ZNF345: variants seen among roughly 807,000 people sequenced by gnomAD.
ZNF345 encodes the protein zinc finger protein 345.
For synonymous variants in ZNF345, 166 were observed against 187.9 expected, an observed-to-expected ratio of 0.88 and a Z score of 0.95; for missense variants, 527 against 589.9, an observed-to-expected ratio of 0.89 and a Z score of 1.10.
chr19:36,852,440 GTC>G (rs1568347918), intron 2 of ZNF345, among the ~76,000 whole-genome samples: 1 of 151,824 alleles, frequency 6.6e-6, no homozygotes, highest in Non-Finnish European at 1.5e-5. Context: ...AGGAAACCCC[GTC>G]TCTACTAAAA....
At chr19:36,868,002 C>CTTT (rs569167997) in intron 2 of ZNF345, among the ~76,000 whole-genome samples, 18 of 127,044 alleles carry the variant, frequency 1.4e-4, no homozygotes, top group African/African-American at 3.8e-4. Flanking sequence ...TGAGGAGTGG[C>CTTT]TTTTTTTTTT....
chr19:36,868,119 C>T (rs1448076251), intron 2 of ZNF345, among the ~76,000 whole-genome samples: 1 of 151,610 alleles, frequency 6.6e-6, no homozygotes, highest in African/African-American at 2.4e-5. Flanking sequence ...TCTCCTGCCT[C>T]AGGCTCCCGA....
chr19:36,868,015 T>C (rs1338829422), intron 2 of ZNF345, among the ~76,000 whole-genome samples: 1 of 150,976 alleles, frequency 6.6e-6, no homozygotes, highest in Non-Finnish European at 1.5e-5. Context: ...TTTTTTTTTT[T>C]TTTTTGAGTC....
chr19:36,862,643 G>C (rs1225720655), intron 2 of ZNF345, among the ~76,000 whole-genome samples: 1 of 124,382 alleles, frequency 8.0e-6, no homozygotes, highest in African/African-American at 3.2e-5. Context: ...CAACCTGGGC[G>C]ACAGAGTGAG....
rs1465331936 is a variant in ZNF345 at position 36,879,053 on chromosome 19, G to A, written c.*756G>A. On this transcript the variant is annotated 3_prime_UTR_variant, in exon 3 of 3. Transcript: ENST00000420450. The stretch of plus-strand genomic sequence containing the variant: ...GGGTTTCACCACGTTGGCCAGGATG[G>A]TCTCGATCTCTTGACCTCGTGATCC... 3 of 165,370 alleles carry A rather than the reference G, an allele frequency of 1.8e-5. No homozygotes were observed. The highest frequency in any genetic ancestry group is 7.2e-5 in the African/African-American group (3 of 41,408). 10.2% of individuals were successfully genotyped at this position (165,370 alleles called of 1,614,324 possible).
intron 2 of ZNF345, among the ~76,000 whole-genome samples, chr19:36,865,351 C>T (rs2072636675): frequency 6.6e-6 from 1 of 152,202 alleles, no homozygotes; most frequent in South Asian, 2.1e-4. Context: ...ACATTGATAA[C>T]TAGCACATAG....
rs756736847 is a variant in ZNF345, at chr19:36,891,518, G to A, written c.47-1300G>A. 23 of 1,573,388 alleles carry A rather than the reference G, an allele frequency of 1.5e-5. No homozygotes were observed. The highest frequency in any genetic ancestry group is 1.9e-5 in the Non-Finnish European group (22 of 1,163,834). On this transcript the variant is annotated intron_variant, in intron 3 of 3. Coordinates refer to the ZNF345 transcript ENST00000526123. Reference sequence around the variant, plus strand: ...CAACCAGTATGAATTCCCTCATGGCGAATGAGGTCAGAGCGACTACCAAAA... The same window carrying A: ...CAACCAGTATGAATTCCCTCATGGCAAATGAGGTCAGAGCGACTACCAAAA...
chr19:36,863,217 T>A (rs1467936778), intron 2 of ZNF345, among the ~76,000 whole-genome samples: 1 of 152,204 alleles, frequency 6.6e-6, no homozygotes, highest in Non-Finnish European at 1.5e-5. Flanking sequence ...GATTGGACCC[T>A]CATTATAGGT....
intron 2 of ZNF345, among the ~76,000 whole-genome samples, chr19:36,855,150 C>CTTTTTTTTTTTTTTTT (rs34077053): frequency 7.0e-6 from 1 of 143,134 alleles, no homozygotes; most frequent in Admixed American, 6.9e-5. Context: ...CACGCCCAGC[C>CTTTTTTTTTTTTTTTT]TTTTTTTTTT....
intron 2 of ZNF345, among the ~76,000 whole-genome samples, chr19:36,852,133 T>C (rs1275120087): frequency 6.9e-6 from 1 of 145,880 alleles, no homozygotes; most frequent in Non-Finnish European, 1.5e-5. Flanking sequence ...TCTTTCTTTT[T>C]TTTTTTTTTT....
At chr19:36,854,547 T>C (rs1206922789) in intron 2 of ZNF345, 1 of 152,204 alleles carries the variant, frequency 6.6e-6, no homozygotes, top group African/African-American at 2.4e-5. Context: ...TTTGAGCCAA[T>C]AAGCAGGTTA....
intron 2 of ZNF345, among the ~76,000 whole-genome samples, chr19:36,853,284 T>C (rs113277451): frequency 6.0e-5 from 9 of 150,972 alleles, no homozygotes; most frequent in African/African-American, 2.0e-4. Context: ...GTTTCGCTCT[T>C]ATTGCCCAGG....
At chr19:36,886,317 A>G (rs1178984628) in intron 3 of ZNF345, among the ~76,000 whole-genome samples, 2 of 152,160 alleles carry the variant, frequency 1.3e-5, no homozygotes, top group African/African-American at 4.8e-5. Flanking sequence ...AAAAGACTAA[A>G]TTTACACTGG....
At chr19:36,889,404 T>C (rs1043114969) in intron 3 of ZNF345, 1 of 152,186 alleles carries the variant, frequency 6.6e-6, no homozygotes, top group African/African-American at 2.4e-5. Flanking sequence ...AGAATTCAGC[T>C]GTGAATCTGT....
At chr19:36,883,453 T>C (rs764527810), downstream of ZNF345, among the ~76,000 whole-genome samples, 107 of 152,234 alleles carry the variant, frequency 7.0e-4, no homozygotes, top group Non-Finnish European at 1.4e-3. Context: ...TCCCTTGAAC[T>C]CCACACTCAC....
intron 3 of ZNF345, among the ~76,000 whole-genome samples, chr19:36,887,192 ACC>A (rs879513674): frequency 0.034 from 5,217 of 151,342 alleles, 312 homozygotes; most frequent in African/African-American, 0.12. Flanking sequence ...CACCACCACC[ACC>A]ACCAACAACA....
At chr19:36,874,343 A>G (rs1433309066) in intron 2 of ZNF345, among the ~76,000 whole-genome samples, 1 of 152,022 alleles carries the variant, frequency 6.6e-6, no homozygotes, top group African/African-American at 2.4e-5. Flanking sequence ...AAAATACAAA[A>G]ATCAGCCAGG....
intron 2 of ZNF345, among the ~76,000 whole-genome samples, chr19:36,875,644 G>A (rs567581701): frequency 1.3e-5 from 2 of 152,262 alleles, no homozygotes; most frequent in East Asian, 3.9e-4. Flanking sequence ...AAGAAATGCT[G>A]GTTTAGTGTC....
chr19:36,889,949 A>G (rs1487363776), intron 3 of ZNF345: 1 of 152,146 alleles, frequency 6.6e-6, no homozygotes, highest in African/African-American at 2.4e-5. Context: ...TGTATCTCAG[A>G]TGTTTTCATG....
Sources: gnomAD v4.1 joint callset for allele counts (sites outside exome capture counted in the v4.1 genomes callset) on GRCh38, gnomAD v4.1.1 for gene constraint, MANE v1.5 for transcripts, NCBI Gene and HGNC (gene_info 2026-07-23, HGNC 2026-07-21) for gene names.